Variants in ERICH1 observed in about 807,000 individuals in gnomAD.
ERICH1 encodes glutamate rich 1.
A neutral mutation model predicts 39.6 loss-of-function variants in ERICH1; 56 were observed. That is an observed-to-expected ratio of 1.41 (90% confidence interval 1.14 to 1.77). The LOEUF (loss-of-function observed/expected upper bound fraction) is 1.77. Among genes scored for constraint, ERICH1 ranks in the 40% most tolerant of loss-of-function variants. The pLI, the probability that ERICH1 is intolerant of heterozygous loss-of-function variation, is 0.00. For synonymous variants in ERICH1, 313 were observed against 223.6 expected (o/e 1.40, Z -3.57); for missense variants, 826 against 575.4 (o/e 1.44, Z -4.45).
At chr8:651,075 A>G (rs560975877) in intron 3 of ERICH1, among the ~76,000 whole-genome samples, 2 of 152,380 alleles carry the variant, frequency 1.3e-5, no homozygotes, top group Admixed American at 1.3e-4. Flanking sequence ...TTGGGGAGCC[A>G]CAGTCCCTGG....
At chr8:697,906 C>T (rs555941076) in intron 2 of ERICH1, among the ~76,000 whole-genome samples, 5 of 151,942 alleles carry the variant, frequency 3.3e-5, no homozygotes, top group African/African-American at 1.2e-4. Flanking sequence ...GTGTAGGGAC[C>T]AGGAGCTTTG....
At position 674,050 on chromosome 8, in the gene ERICH1, G is replaced by A; in HGVS notation, c.305-3C>T. The A allele has an allele frequency of 1.3e-6, 2 of 1,527,486 alleles. No homozygotes were observed. Among genetic ancestry groups the A allele is most frequent in the Non-Finnish European group, 1.7e-6 (2 of 1,151,230 alleles). The allele number at this position is 1,527,486 out of a possible 1,614,324, so 94.6% of individuals were successfully genotyped here. A position where few individuals can be genotyped will look rare whatever the true frequency, so the allele number is the denominator to read the frequency against. The stretch of plus-strand genomic sequence containing the variant: ...TGGCTGGTCATGAGGATCCTGATCT[G>A]TTAAAAAAATTCAAATATAACAATT... On this transcript the variant is annotated splice_region_variant and splice_polypyrimidine_tract_variant and intron_variant, in intron 3 of 5. Coordinates refer to ENST00000262109, the MANE Select transcript of ERICH1 (RefSeq NM_207332.3).
At chr8:676,593 G>A (rs2131900637) in intron 3 of ERICH1, among the ~76,000 whole-genome samples, 1 of 152,240 alleles carries the variant, frequency 6.6e-6, no homozygotes, top group East Asian at 1.9e-4. Context: ...ATAAGTAACT[G>A]GCGCCATGCG....
At chr8:702,463 A>C (rs1812374888) in intron 2 of ERICH1, among the ~76,000 whole-genome samples, 1 of 152,238 alleles carries the variant, frequency 6.6e-6, no homozygotes, top group African/African-American at 2.4e-5. Context: ...CCCTGAGTGC[A>C]GACACACAAA....
intron 3 of ERICH1, among the ~76,000 whole-genome samples, chr8:632,630 A>G (rs1015590169): frequency 6.6e-6 from 1 of 152,246 alleles, no homozygotes. Flanking sequence ...AGAAAGGGGC[A>G]GACGTTATGA....
intron 1 of ERICH1, chr8:725,484 G>A (rs1436254355): frequency 6.6e-6 from 1 of 152,486 alleles, no homozygotes; most frequent in Non-Finnish European, 1.5e-5. Context: ...ACCTAGGCCT[G>A]CTGTGCACTG....
chr8:697,163 G>A (rs1269694288), intron 2 of ERICH1, among the ~76,000 whole-genome samples: 1 of 152,136 alleles, frequency 6.6e-6, no homozygotes, highest in African/African-American at 2.4e-5. Flanking sequence ...AATGAATCCA[G>A]CAGCGAACTC....
rs1799512486 is a variant in ERICH1, at chr8:646,977, C to T, written c.976+21621G>A. Among the ~76,000 whole-genome samples the T allele has an allele frequency of 2.9e-5, 2 of 68,914 alleles. 1 individual carries two copies. Among genetic ancestry groups the T allele is most frequent in the Admixed American group, 2.5e-4 (2 of 8,014 alleles). 45.2% of individuals were successfully genotyped at this position (68,914 alleles called of 152,430 possible). ...TAATCTGTGCCGAGGGCCTACCAAGCCCTCCACATTCATACAGGGTCCTCA... is the reference window on the plus strand; with the variant it reads ...TAATCTGTGCCGAGGGCCTACCAAGTCCTCCACATTCATACAGGGTCCTCA... On this transcript the variant is annotated intron_variant, in intron 3 of 3. Coordinates refer to the ERICH1 transcript ENST00000522706.
intron 1 of ERICH1, among the ~76,000 whole-genome samples, chr8:719,932 C>G (rs1386078154): frequency 6.6e-6 from 1 of 152,066 alleles, no homozygotes; most frequent in Admixed American, 6.5e-5. Context: ...CTCCAGCCCA[C>G]CCGGCCCTCC....
At chr8:695,767 A>C (rs1270380550) in intron 2 of ERICH1, among the ~76,000 whole-genome samples, 72 of 54,412 alleles carry the variant, frequency 1.3e-3, no homozygotes, top group South Asian at 2.7e-3. Flanking sequence ...CTCACCCTCC[A>C]CTCCTCTCCT....
intron 1 of ERICH1, among the ~76,000 whole-genome samples, chr8:727,322 G>T (rs1819000511): frequency 6.6e-6 from 1 of 152,212 alleles, no homozygotes; most frequent in African/African-American, 2.4e-5. Flanking sequence ...AGAGCTGCAG[G>T]AACTGGCACC....
intron 2 of ERICH1, among the ~76,000 whole-genome samples, chr8:701,012 C>T (rs143441023): frequency 1.4e-3 from 207 of 152,404 alleles, no homozygotes; most frequent in Non-Finnish European, 2.5e-3. Context: ...TGCAGCATCA[C>T]GGACAATGTG....
At chr8:670,330 CTCTT>C (rs71528612) in intron 4 of ERICH1, among the ~76,000 whole-genome samples, 27,814 of 152,096 alleles carry the variant, frequency 0.18, 3,198 homozygotes, top group Middle Eastern at 0.33. Context: ...GGCTCTACTG[CTCTT>C]TTTTTCTCGT....
At chr8:627,423 C>A (rs35017864) in intron 3 of ERICH1, among the ~76,000 whole-genome samples, 34,487 of 152,074 alleles carry the variant, frequency 0.23, 5,378 homozygotes, top group African/African-American at 0.44. Context: ...CTCTCACTGC[C>A]CCTCTCCCAG....
At chr8:627,402 A>C (rs1423865566) in intron 3 of ERICH1, among the ~76,000 whole-genome samples, 1 of 152,190 alleles carries the variant, frequency 6.6e-6, no homozygotes, top group Non-Finnish European at 1.5e-5. Context: ...TCACATGCCA[A>C]CTTCAACAAA....
intron 2 of ERICH1, among the ~76,000 whole-genome samples, chr8:699,318 C>A (rs1164297756): frequency 6.6e-6 from 1 of 152,168 alleles, no homozygotes; most frequent in Non-Finnish European, 1.5e-5. Flanking sequence ...GAGGGCTGGA[C>A]AGAAGAGTGG....
rs763890768 is a variant in ERICH1 at position 673,903 on chromosome 8, T to C, written c.449A>G (p.Gln150Arg). Residue 150 changes from glutamine (Q) to arginine (R), a missense_variant, in exon 4 of 6, where the codon CAG becomes CGG. Coordinates refer to ENST00000262109, the MANE Select transcript of ERICH1 (RefSeq NM_207332.3). Reference protein sequence around the residue: ...QSLLQEKSQRQHTDGTTISKN... With the variant: ...QSLLQEKSQRRHTDGTTISKN... The stretch of plus-strand genomic sequence containing the variant: ...GCTTATTGTGGTGCCATCTGTGTGC[T>C]GTCGCTGAGATTTCTCCTGTAACAG... 4 of 1,613,502 alleles carry C rather than the reference T, an allele frequency of 2.5e-6. No individual in the cohort carries two copies. The highest frequency in any genetic ancestry group is 2.7e-5 in the African/African-American group (2 of 74,912).
At chr8:724,434 C>A (rs527656379) in intron 1 of ERICH1, among the ~76,000 whole-genome samples, 1 of 152,320 alleles carries the variant, frequency 6.6e-6, no homozygotes, top group African/African-American at 2.4e-5. Context: ...CCTTCACGGG[C>A]GGCTGCAATA....
chr8:628,117 T>G (rs369662019), intron 3 of ERICH1, among the ~76,000 whole-genome samples: 1 of 152,148 alleles, frequency 6.6e-6, no homozygotes, highest in East Asian at 1.9e-4. Flanking sequence ...GCAGGTGCCA[T>G]GAGGAAGCAA....
Sources: allele counts gnomAD v4.1 joint callset (sites outside exome capture counted in the v4.1 genomes callset), GRCh38; gene constraint gnomAD v4.1.1; transcripts MANE v1.5; gene names NCBI Gene and HGNC (gene_info 2026-07-23, HGNC 2026-07-21).